Variants in FAM13B observed in about 807,000 individuals in gnomAD.
The protein encoded by FAM13B is family with sequence similarity 13 member B.
FAM13B carries 60 observed loss-of-function variants against 117.3 expected under a neutral mutation model. The ratio of observed to expected loss-of-function variants is 0.51; its 90% confidence interval spans 0.42 to 0.63. The LOEUF (loss-of-function observed/expected upper bound fraction) is 0.63. Among genes scored for constraint, FAM13B ranks in the 30% least tolerant of loss-of-function variants. FAM13B has a pLI of 0.00. For synonymous variants in FAM13B, 332 were observed against 356.1 expected, an observed-to-expected ratio of 0.93 and a Z score of 0.76; for missense variants, 972 against 1,091.9, an observed-to-expected ratio of 0.89 and a Z score of 1.55.
At chr5:138,010,948 T>C in intron 6 of FAM13B, 60 bp downstream of exon 6, 2 of 1,330,470 alleles carry the variant, frequency 1.5e-6, no homozygotes, top group Non-Finnish European at 1.9e-6. Context: ...TTTAAGAGCA[T>C]ATTATTCTTA....
At chr5:138,036,859 A>G, upstream of FAM13B, 1 of 336,402 alleles carries the variant, frequency 3.0e-6, no homozygotes, top group Non-Finnish European at 5.8e-6. Context: ...TTTTTTTTAA[A>G]CTTTTTTTTT....
intron 5 of FAM13B, 87 bp from the exon 6 acceptor site, chr5:138,011,236 C>G: frequency 8.1e-7 from 1 of 1,235,814 alleles, no homozygotes; most frequent in East Asian, 2.5e-5. Context: ...ACTTTATGAA[C>G]ATGGGCAATT....
intron 10 of FAM13B, among the ~76,000 whole-genome samples, chr5:137,979,202 G>A (rs1774918768): frequency 6.6e-6 from 1 of 151,966 alleles, no homozygotes; most frequent in Admixed American, 6.6e-5. Flanking sequence ...TAGTAGAGAT[G>A]CGTTTTCACC....
chr5:137,987,620 CA>C lies in FAM13B; in HGVS notation c.891-5del, dbSNP rs1777563743. On this transcript the variant is annotated splice_polypyrimidine_tract_variant and splice_region_variant and intron_variant, in intron 8 of 23. Coordinates refer to ENST00000689681, the MANE Select transcript of FAM13B (RefSeq NM_001385994.1). ...TCTAATTGTTCTTTCTAAAATACTACAAAACAACACGTTTTAGTAAGAAGCA... is the reference window on the plus strand; with the variant it reads ...TCTAATTGTTCTTTCTAAAATACTACAAACAACACGTTTTAGTAAGAAGCA... 1 of 1,605,914 alleles carries C rather than the reference CA, an allele frequency of 6.2e-7. No homozygotes were observed.
intron 1 of FAM13B, among the ~76,000 whole-genome samples, chr5:138,049,142 A>G (rs1024965549): frequency 2.6e-5 from 4 of 151,908 alleles, no homozygotes; most frequent in African/African-American, 9.7e-5. Context: ...GGATTTTACC[A>G]CATTGGCCAG....
chr5:137,939,945 C>T lies in FAM13B; in HGVS notation c.*280G>A, dbSNP rs1249424735. Reference sequence around the variant, plus strand: ...GAAAGGATAAAATTCCAGTCTTTTGCTAAAAGGATGTATCTGTAGTACAAA... The same window carrying T: ...GAAAGGATAAAATTCCAGTCTTTTGTTAAAAGGATGTATCTGTAGTACAAA... On this transcript the variant is annotated 3_prime_UTR_variant, in exon 24 of 24. Coordinates refer to ENST00000689681, the MANE Select transcript of FAM13B (RefSeq NM_001385994.1). 1 of 1,373,372 alleles carries T rather than the reference C, an allele frequency of 7.3e-7. No individual in the cohort carries two copies. Among genetic ancestry groups the T allele is most frequent in the Admixed American group, 3.4e-5 (1 of 29,508 alleles). 85.1% of individuals were successfully genotyped at this position (1,373,372 alleles called of 1,614,324 possible).
At chr5:138,021,342 A>G (rs1436486059) in intron 1 of FAM13B, 145 bp from the exon 2 acceptor site, 1 of 578,246 alleles carries the variant, frequency 1.7e-6, no homozygotes, top group Non-Finnish European at 2.5e-6. Flanking sequence ...TGTAACCTAA[A>G]GGCAAAACCT....
chr5:138,001,397 G>A (rs1781226897), intron 7 of FAM13B, among the ~76,000 whole-genome samples: 1 of 152,108 alleles, frequency 6.6e-6, no homozygotes, highest in African/African-American at 2.4e-5. Flanking sequence ...TTCATCCAAG[G>A]TAGATAATCA....
intron 10 of FAM13B, among the ~76,000 whole-genome samples, chr5:137,974,186 CAA>C (rs1036630584): frequency 4.6e-5 from 7 of 150,620 alleles, no homozygotes; most frequent in African/African-American, 1.5e-4. Context: ...TTCACAATAG[CAA>C]AGACTTGGAA....
chr5:138,010,260 C>A (rs1783638901), intron 6 of FAM13B, among the ~76,000 whole-genome samples: 1 of 152,172 alleles, frequency 6.6e-6, no homozygotes, highest in African/African-American at 2.4e-5. Context: ...GGATTACAGG[C>A]ATGAGCCACC....
At chr5:137,944,662 G>A (rs1762921020) in intron 20 of FAM13B, among the ~76,000 whole-genome samples, 1 of 151,858 alleles carries the variant, frequency 6.6e-6, no homozygotes, top group African/African-American at 2.4e-5. Flanking sequence ...GGGAGGCTGA[G>A]GTGAAAAATT....
chr5:137,954,406 T>A (rs1425797397), intron 14 of FAM13B, 30 bp from the exon 15 acceptor site: 15 of 1,567,946 alleles, frequency 9.6e-6, no homozygotes, highest in Non-Finnish European at 1.3e-5. Context: ...AATAGTACCA[T>A]GGGTCTCTTG....
chr5:137,960,127 G>A, intron 12 of FAM13B, 39 bp downstream of exon 12: 1 of 1,249,054 alleles, frequency 8.0e-7, no homozygotes, highest in Non-Finnish European at 1.2e-6. Context: ...TTAAACCTAG[G>A]CAAGTTTTTA....
At chr5:138,021,951 T>C (rs1187041367) in intron 1 of FAM13B, among the ~76,000 whole-genome samples, 1 of 151,972 alleles carries the variant, frequency 6.6e-6, no homozygotes, top group Admixed American at 6.6e-5. Flanking sequence ...ACCCCATCTC[T>C]ACAAAAAAAT....
intron 20 of FAM13B, among the ~76,000 whole-genome samples, chr5:137,944,562 T>C (rs1561728192): frequency 2.6e-5 from 4 of 151,908 alleles, no homozygotes; most frequent in Non-Finnish European, 5.9e-5. Flanking sequence ...GGTCAGGAGT[T>C]CAAGACCAGC....
intron 7 of FAM13B, among the ~76,000 whole-genome samples, chr5:137,998,642 A>G (rs981448327): frequency 6.6e-6 from 1 of 152,236 alleles, no homozygotes; most frequent in Non-Finnish European, 1.5e-5. Context: ...AAATTCTGGA[A>G]AACCTGTATC....
At chr5:138,016,276 T>TA (rs1785239773) in intron 4 of FAM13B, among the ~76,000 whole-genome samples, 1 of 152,172 alleles carries the variant, frequency 6.6e-6, no homozygotes, top group South Asian at 2.1e-4. Context: ...AAGAGGAACT[T>TA]AGTTGTCCCA....
In FAM13B at chr5:137,988,272, A is replaced by G; in HGVS notation, c.890+2T>C. The G allele has an allele frequency of 6.5e-7, 1 of 1,546,002 alleles. No individual in the cohort carries two copies. Among genetic ancestry groups the G allele is most frequent in the Non-Finnish European group, 8.6e-7 (1 of 1,156,908 alleles). Reference sequence around the variant, plus strand: ...TTTGTCTTCTATAAATATACTACTTACTCTGTAGAGGCTGGTAGGATGCTG... The same window carrying G: ...TTTGTCTTCTATAAATATACTACTTGCTCTGTAGAGGCTGGTAGGATGCTG... On this transcript the variant is annotated splice_donor_variant, in intron 8 of 23. Transcript: ENST00000689681. LOFTEE classifies it high-confidence loss of function.
chr5:137,956,528 T>C lies in FAM13B; in HGVS notation c.1456A>G (p.Thr486Ala). 6.3e-7 allele frequency: 1 copy of C among 1,596,452 alleles called. No homozygotes were observed. Among genetic ancestry groups the C allele is most frequent in the Non-Finnish European group, 8.5e-7 (1 of 1,170,660 alleles). ...GTTTTGAAATCAATGAGGGGAAAAG[T>C]GATAGGGCATGACGCTAATAAAATG... Reference protein sequence around the residue: ...GDKWEASCPITFPLIDFKTMH... With the variant: ...GDKWEASCPIAFPLIDFKTMH... Residue 486 changes from threonine (T) to alanine (A), a missense_variant, in exon 14 of 24, where the codon ACT becomes GCT. Coordinates refer to ENST00000689681, the MANE Select transcript of FAM13B (RefSeq NM_001385994.1).
Sources: allele counts gnomAD v4.1 joint callset (sites outside exome capture counted in the v4.1 genomes callset), GRCh38; gene constraint gnomAD v4.1.1; transcripts MANE v1.5; gene names NCBI Gene and HGNC (gene_info 2026-07-23, HGNC 2026-07-21).